Variants in CASK observed in about 807,000 individuals in gnomAD.
CASK encodes peripheral plasma membrane protein CASK.
A neutral mutation model predicts 82.9 loss-of-function variants in CASK; 4 were observed. The ratio of observed to expected loss-of-function variants is 0.05; its 90% CI spans 0.02 to 0.11. The LOEUF (loss-of-function observed/expected upper bound fraction) is 0.11, where lower values mean the gene tolerates loss of function less well. Ranked by LOEUF, CASK falls within the 10% of genes least tolerant of loss-of-function variation. The pLI is 1.00. For synonymous variants in CASK, 259 were observed against 253.5 expected, an observed-to-expected ratio of 1.02 and a Z score of -0.20; for missense variants, 358 against 720.9, an observed-to-expected ratio of 0.50 and a Z score of 5.76.
intron 5 of CASK, among the ~76,000 whole-genome samples, chrX:41,735,636 T>C (rs1041687999): frequency 2.7e-5 from 3 of 109,441 alleles, no homozygotes; most frequent in Non-Finnish European, 5.7e-5. Context: ...ATCTCCTGTC[T>C]CCTTTTTACT....
chrX:41,729,385 T>C (rs2068327289), intron 5 of CASK: 1 of 122,233 alleles, frequency 8.2e-6, no homozygotes, highest in Admixed American at 9.7e-5. Context: ...TATATTATTT[T>C]AATCACCACA....
chrX:41,658,023 T>A (rs2066970734), intron 8 of CASK, among the ~76,000 whole-genome samples: 1 of 110,481 alleles, frequency 9.1e-6, no homozygotes, highest in Admixed American at 9.7e-5. Flanking sequence ...ATGCCTATAG[T>A]AATAAGGCCT....
chrX:41,908,176 G>A (rs1289136399), intron 1 of CASK, among the ~76,000 whole-genome samples: 1 of 111,832 alleles, frequency 8.9e-6, no homozygotes, highest in Non-Finnish European at 1.9e-5. Context: ...TTCAAGATCA[G>A]CCTGGCCAAC....
At chrX:41,806,562 C>T (rs1328762086) in intron 2 of CASK, among the ~76,000 whole-genome samples, 1 of 111,958 alleles carries the variant, frequency 8.9e-6, no homozygotes, top group Non-Finnish European at 1.9e-5. Context: ...TATGCACTAC[C>T]CGTGACAGAT....
chrX:41,683,833 G>A (rs888250416), intron 5 of CASK, among the ~76,000 whole-genome samples: 2 of 111,835 alleles, frequency 1.8e-5, no homozygotes, highest in South Asian at 3.7e-4. Flanking sequence ...GTGTGTGAAA[G>A]TTTTAAAATA....
chrX:41,700,370 C>T (rs1206956907), intron 5 of CASK, among the ~76,000 whole-genome samples: 1 of 111,174 alleles, frequency 9.0e-6, no homozygotes, highest in African/African-American at 3.3e-5. Context: ...CAACAAGCAA[C>T]CTGGATGCTG....
At chrX:41,525,435 T>C (rs2064698573) in intron 25 of CASK, among the ~76,000 whole-genome samples, 1 of 110,229 alleles carries the variant, frequency 9.1e-6, no homozygotes, top group Non-Finnish European at 1.9e-5. Flanking sequence ...ACTCTTTTGC[T>C]TGGCTGAGTA....
intron 1 of CASK, among the ~76,000 whole-genome samples, chrX:41,872,804 T>A (rs1048026839): frequency 1.8e-5 from 2 of 111,029 alleles, no homozygotes; most frequent in African/African-American, 3.3e-5. Context: ...TTAGTCATCA[T>A]TCTCCTTCAG....
chrX:41,783,996 G>A (rs1358123620), intron 3 of CASK, among the ~76,000 whole-genome samples: 1 of 112,160 alleles, frequency 8.9e-6, no homozygotes, highest in Non-Finnish European at 1.9e-5. Flanking sequence ...CTTCAACCTA[G>A]GATTTGGGTA....
intron 1 of CASK, among the ~76,000 whole-genome samples, chrX:41,862,716 TTGC>T (rs2147992840): frequency 9.0e-6 from 1 of 110,509 alleles, no homozygotes; most frequent in African/African-American, 3.3e-5. Flanking sequence ...CAGGAAGTTA[TTGC>T]ATTAGCCCAA....
At chrX:41,763,532 G>A (rs144492256) in intron 3 of CASK, among the ~76,000 whole-genome samples, 160 of 110,416 alleles carry the variant, frequency 1.4e-3, no homozygotes, top group African/African-American at 5.1e-3. Flanking sequence ...GTGTGGTAGC[G>A]TGCACCTGTA....
At position 41,777,348 on chromosome X, in the gene CASK, C is replaced by T. The variant is rs546914019; in HGVS notation, c.278+9830G>A. Among the ~76,000 whole-genome samples the T allele has an allele frequency of 4.5e-5, 5 of 110,107 alleles. No individual in the cohort carries two copies. In the South Asian group the frequency reaches 2.0e-3, roughly 43 times the overall value. On this transcript the variant is annotated intron_variant, in intron 3 of 26. Transcript: ENST00000378163. ...CTCTACTAAAAATACAAAAATCAGC[C>T]GGGCGTGGTGGTGCATGCCTGTAGT... is the stretch of plus-strand genomic sequence containing the variant.
intron 14 of CASK, among the ~76,000 whole-genome samples, chrX:41,578,914 T>C (rs1602292922): frequency 8.9e-6 from 1 of 112,317 alleles, no homozygotes; most frequent in Admixed American, 9.5e-5. Context: ...TCATGATAAA[T>C]AGATTTTTTA....
chrX:41,640,641 G>T (rs2066632280), intron 8 of CASK, among the ~76,000 whole-genome samples: 1 of 111,562 alleles, frequency 9.0e-6, no homozygotes, highest in African/African-American at 3.3e-5. Flanking sequence ...CTTTTCCTGT[G>T]CTTATCTGCC....
intron 1 of CASK, among the ~76,000 whole-genome samples, chrX:41,858,972 G>C (rs1379857565): frequency 9.0e-6 from 1 of 111,454 alleles, no homozygotes; most frequent in Non-Finnish European, 1.9e-5. Context: ...AATATGAATT[G>C]TCAGTTGTAA....
intron 22 of CASK, 100 bp from the exon 23 acceptor site, chrX:41,535,073 C>T: frequency 3.7e-6 from 2 of 537,705 alleles, no homozygotes; most frequent in South Asian, 6.0e-5. Flanking sequence ...ATATTAAAAC[C>T]ATGTCTTAAA....
rs138612959 is a variant in CASK, at chrX:41,820,920, C to T, written c.172+32195G>A. Among the ~76,000 whole-genome samples the T allele has an allele frequency of 6.5e-3, 721 of 111,165 alleles. 7 individuals are homozygous for T. Among genetic ancestry groups the T allele is most frequent in the African/African-American group, 0.022 (685 of 30,750 alleles). ...GGCTACCCATGAATCTCAACCCTTA[C>T]ACTTCATACGATATACAACTCTTAT... On this transcript the variant is annotated intron_variant, in intron 2 of 26. Transcript: ENST00000378163.
intron 6 of CASK, among the ~76,000 whole-genome samples, chrX:41,670,700 C>T (rs1294704262): frequency 1.8e-5 from 2 of 110,636 alleles, no homozygotes; most frequent in African/African-American, 3.3e-5. Context: ...GTGCAGTGTG[C>T]CATGATCGTG....
At chrX:41,675,196 G>A (rs757392456) in intron 5 of CASK, among the ~76,000 whole-genome samples, 1 of 112,069 alleles carries the variant, frequency 8.9e-6, no homozygotes, top group South Asian at 3.7e-4. Context: ...GAGTAAAATG[G>A]GTCACAACTT....
Sources: gnomAD v4.1 joint callset for allele counts (sites outside exome capture counted in the v4.1 genomes callset) on GRCh38, gnomAD v4.1.1 for gene constraint, MANE v1.5 for transcripts, NCBI Gene and HGNC (gene_info 2026-07-23, HGNC 2026-07-21) for gene names.